RORA: variants seen among roughly 807,000 people sequenced by gnomAD.
RORA encodes RAR related orphan receptor A.
In RORA, 7 loss-of-function variants were observed where a neutral mutation model predicts 69.5. The observed-to-expected ratio is 0.10, with a 90% confidence interval of 0.06 to 0.19. The LOEUF is 0.19. RORA is among the 10% of genes least tolerant of loss of function. The pLI is 1.00. For synonymous variants in RORA, 261 were observed against 240.8 expected (o/e 1.08, Z -0.78); for missense variants, 457 against 663.0 (o/e 0.69, Z 3.41).
intron 1 of RORA, among the ~76,000 whole-genome samples, chr15:61,225,560 A>G (rs2080138193): frequency 6.6e-6 from 1 of 152,116 alleles, no homozygotes; most frequent in Non-Finnish European, 1.5e-5. Context: ...AACCCAACTG[A>G]GCTTTTCACT....
intron 1 of RORA, among the ~76,000 whole-genome samples, chr15:60,790,476 G>A (rs341447): frequency 9.7e-4 from 148 of 152,308 alleles, no homozygotes; most frequent in African/African-American, 3.5e-3. Flanking sequence ...CTTTAACATG[G>A]TGTGGCACCA....
At chr15:60,685,991 A>G (rs1043662589) in intron 1 of RORA, among the ~76,000 whole-genome samples, 1 of 152,184 alleles carries the variant, frequency 6.6e-6, no homozygotes, top group Admixed American at 6.5e-5. Context: ...GACGCCATGA[A>G]AAATATTCCA....
chr15:60,951,917 G>A (rs1786293666), intron 1 of RORA, among the ~76,000 whole-genome samples: 1 of 150,086 alleles, frequency 6.7e-6, no homozygotes, highest in African/African-American at 2.4e-5. Flanking sequence ...AGAAAAAGAG[G>A]GAATCCTCCC....
intron 1 of RORA, among the ~76,000 whole-genome samples, chr15:60,931,828 C>T (rs1050981537): frequency 2.0e-5 from 3 of 152,220 alleles, no homozygotes; most frequent in Non-Finnish European, 2.9e-5. Context: ...TGGCTGAGTT[C>T]TCCAGCTAAA....
At chr15:60,904,981 G>C (rs1385922461) in intron 1 of RORA, among the ~76,000 whole-genome samples, 5 of 152,102 alleles carry the variant, frequency 3.3e-5, no homozygotes, top group Non-Finnish European at 7.4e-5. Context: ...TACCTCTTTG[G>C]GAACTCAAAA....
intron 1 of RORA, among the ~76,000 whole-genome samples, chr15:60,711,967 C>A (rs2071149990): frequency 6.6e-6 from 1 of 151,832 alleles, no homozygotes; most frequent in Non-Finnish European, 1.5e-5. Context: ...TTTTTTTCTG[C>A]AACAGTATAA....
At chr15:61,023,191 A>AAG (rs1190076729) in intron 1 of RORA, among the ~76,000 whole-genome samples, 1 of 129,088 alleles carries the variant, frequency 7.7e-6, no homozygotes, top group Non-Finnish European at 1.7e-5. Context: ...CTGCCTCAAA[A>AAG]AAAAAAAAAA....
intron 1 of RORA, among the ~76,000 whole-genome samples, chr15:61,200,840 T>TTATCTGGG (rs2079889467): frequency 6.6e-6 from 1 of 152,132 alleles, no homozygotes; most frequent in Non-Finnish European, 1.5e-5. Context: ...TCTCCCAGGG[T>TTATCTGGG]AGTCAACACT....
chr15:60,524,832 G>A (rs752323389), intron 3 of RORA, among the ~76,000 whole-genome samples: 3 of 152,170 alleles, frequency 2.0e-5, no homozygotes, highest in African/African-American at 7.2e-5. Flanking sequence ...TTTGCAATCC[G>A]CAACAACCTA....
intron 2 of RORA, among the ~76,000 whole-genome samples, chr15:60,607,301 C>A (rs1359869467): frequency 2.0e-5 from 3 of 152,056 alleles, no homozygotes; most frequent in African/African-American, 7.2e-5. Flanking sequence ...ACGTATTAAC[C>A]CATGAACTCT....
chr15:60,992,160 A>G (rs1463606437), intron 1 of RORA, among the ~76,000 whole-genome samples: 1 of 152,194 alleles, frequency 6.6e-6, no homozygotes, highest in Non-Finnish European at 1.5e-5. Flanking sequence ...ACAAGGAAGA[A>G]AAATGGATTC....
At chr15:61,158,580 C>A (rs999627808) in intron 1 of RORA, among the ~76,000 whole-genome samples, 1 of 152,174 alleles carries the variant, frequency 6.6e-6, no homozygotes, top group African/African-American at 2.4e-5. Flanking sequence ...ATATGCCACC[C>A]ACTCTTCTAG....
intron 1 of RORA, among the ~76,000 whole-genome samples, chr15:60,719,037 G>GT (rs1567167898): frequency 1.7e-4 from 25 of 150,154 alleles, no homozygotes; most frequent in African/African-American, 6.2e-4. Flanking sequence ...GTGTGTGTGT[G>GT]GGGGGGGTGT....
At chr15:60,645,860 A>G (rs1434664887) in intron 2 of RORA, among the ~76,000 whole-genome samples, 1 of 151,954 alleles carries the variant, frequency 6.6e-6, no homozygotes, top group Non-Finnish European at 1.5e-5. Flanking sequence ...ACATATATAC[A>G]GCATATACAT....
At chr15:61,217,069 A>G (rs994314804) in intron 1 of RORA, among the ~76,000 whole-genome samples, 1 of 152,202 alleles carries the variant, frequency 6.6e-6, no homozygotes, top group African/African-American at 2.4e-5. Flanking sequence ...CATTGGAAAT[A>G]TAAGACAGCA....
chr15:60,936,671 T>C (rs969145694), intron 1 of RORA, among the ~76,000 whole-genome samples: 2 of 152,254 alleles, frequency 1.3e-5, no homozygotes, highest in Non-Finnish European at 2.9e-5. Context: ...CCTGTGACCA[T>C]ACAGTGGCAG....
rs115730635 is a variant in RORA at position 60,665,539 on chromosome 15, A to G, written c.196+13118T>C. Among the ~76,000 whole-genome samples the G allele has an allele frequency of 3.1e-3, 475 of 152,340 alleles. 1 individual carries two copies. The highest frequency in any genetic ancestry group is 0.011 in the African/African-American group (455 of 41,584). On this transcript the variant is annotated intron_variant, in intron 2 of 10. Coordinates refer to ENST00000335670, the MANE Select transcript of RORA (RefSeq NM_134261.3). ...AACTGCAGAAAGAAACTTTAAAGCT[A>G]TCAGCCCTAAAATTTAGCCCTAATA... is the stretch of plus-strand genomic sequence containing the variant.
intron 2 of RORA, among the ~76,000 whole-genome samples, chr15:60,576,370 T>C (rs1454687543): frequency 6.6e-6 from 1 of 152,196 alleles, no homozygotes; most frequent in African/African-American, 2.4e-5. Flanking sequence ...TCCCACTCAA[T>C]GGACAGCCTT....
intron 2 of RORA, chr15:60,556,939 C>T: frequency 4.4e-6 from 7 of 1,604,130 alleles, no homozygotes; most frequent in Non-Finnish European, 5.1e-6. Context: ...CTTGTTTGTC[C>T]ACCCCAATCC....
Sources: allele counts gnomAD v4.1 joint callset (sites outside exome capture counted in the v4.1 genomes callset), GRCh38; gene constraint gnomAD v4.1.1; transcripts MANE v1.5; gene names NCBI Gene and HGNC (gene_info 2026-07-23, HGNC 2026-07-21).